The following ITPR1 variants were observed in gnomAD, a reference collection of about 807,000 sequenced individuals.
ITPR1 encodes the protein inositol 1,4,5-trisphosphate-gated calcium channel ITPR1.
A neutral mutation model predicts 318.4 loss-of-function variants in ITPR1; 96 were observed. The observed-to-expected ratio is 0.30, with a 90% confidence interval of 0.26 to 0.36. ITPR1 has a LOEUF of 0.36. ITPR1 is among the 10% of genes least tolerant of loss of function. The probability of loss-of-function intolerance (pLI) is 1.00; values close to 1 mark genes in which losing one functional copy is unlikely to be tolerated. For missense variants in ITPR1, 2,440 were observed against 3,460.2 expected (o/e 0.71, Z 7.40); for synonymous variants, 1,312 against 1,289.9 (o/e 1.02, Z -0.37).
At chr3:4,790,747 A>G (rs890324067) in intron 52 of ITPR1, among the ~76,000 whole-genome samples, 1 of 152,236 alleles carries the variant, frequency 6.6e-6, no homozygotes, top group African/African-American at 2.4e-5. Flanking sequence ...TCAGACACGT[A>G]GTGAGATCCG....
chr3:4,838,616 T>C (rs3805035), intron 61 of ITPR1, among the ~76,000 whole-genome samples: 138,594 of 152,316 alleles, frequency 0.91, 63,199 homozygotes, highest in South Asian at 0.96. Context: ...AAATCTGGTG[T>C]CATTTTCCAA....
intron 26 of ITPR1, among the ~76,000 whole-genome samples, chr3:4,681,658 T>TGTGTGTGTGTGTGTGTGTGTCC (rs1553690431): frequency 3.3e-5 from 5 of 149,848 alleles, no homozygotes; most frequent in African/African-American, 1.2e-4. Flanking sequence ...TGTGTGTGTG[T>TGTGTGTGTGTGTGTGTGTGTCC]CCCACCTAGG....
intron 21 of ITPR1, among the ~76,000 whole-genome samples, chr3:4,673,668 T>C (rs570760585): frequency 3.3e-4 from 51 of 152,302 alleles, no homozygotes; most frequent in African/African-American, 7.0e-4. Context: ...CTACAAGCTC[T>C]GCCTCCCGGG....
chr3:4,806,508 C>G (rs1339711691), intron 55 of ITPR1, among the ~76,000 whole-genome samples: 1 of 152,218 alleles, frequency 6.6e-6, no homozygotes, highest in Non-Finnish European at 1.5e-5. Context: ...CGATCTGTTA[C>G]TTCTCAGTAA....
chr3:4,562,922 A>C (rs949719990), intron 4 of ITPR1, among the ~76,000 whole-genome samples: 17 of 149,714 alleles, frequency 1.1e-4, no homozygotes, highest in African/African-American at 4.2e-4. Flanking sequence ...AAAGAATATA[A>C]AATAAGGAGG....
intron 54 of ITPR1, among the ~76,000 whole-genome samples, chr3:4,802,365 T>G (rs182762041): frequency 6.6e-6 from 1 of 152,352 alleles, no homozygotes; most frequent in Non-Finnish European, 1.5e-5. Context: ...CAAAGAAGTA[T>G]TCTTGAGAAA....
At chr3:4,563,082 G>C (rs548604810) in intron 4 of ITPR1, among the ~76,000 whole-genome samples, 42 of 152,188 alleles carry the variant, frequency 2.8e-4, no homozygotes, top group Non-Finnish European at 4.6e-4. Context: ...CAGTATGCTA[G>C]CATCAGGAAC....
At chr3:4,500,402 A>G (rs9844108) in intron 2 of ITPR1, among the ~76,000 whole-genome samples, 3,376 of 151,952 alleles carry the variant, frequency 0.022, 120 homozygotes, top group African/African-American at 0.077. Context: ...GGATCTCGCC[A>G]TGTTGTCCAG....
intron 60 of ITPR1, among the ~76,000 whole-genome samples, chr3:4,819,489 G>T (rs559031712): frequency 6.6e-6 from 1 of 152,282 alleles, no homozygotes; most frequent in East Asian, 1.9e-4. Flanking sequence ...TGCTGGCCCG[G>T]GAATCACCCT....
chr3:4,786,767 C>G (rs547445378), intron 51 of ITPR1, among the ~76,000 whole-genome samples: 1 of 152,256 alleles, frequency 6.6e-6, no homozygotes, highest in Admixed American at 6.5e-5. Flanking sequence ...CCCCTGGGGC[C>G]CAAACATACC....
chr3:4,603,687 A>G (rs755686545), intron 4 of ITPR1, among the ~76,000 whole-genome samples: 1 of 152,110 alleles, frequency 6.6e-6, no homozygotes, highest in Non-Finnish European at 1.5e-5. Context: ...CTTGGCCTCC[A>G]AAAGTGCTGG....
chr3:4,829,330 A>G lies in ITPR1; in HGVS notation c.8029-7444A>G, dbSNP rs181845725. Among the ~76,000 whole-genome samples the G allele has an allele frequency of 1.3e-3, 205 of 152,348 alleles. 5 individuals carry two copies. In the South Asian group the frequency reaches 0.04, roughly 30 times the overall value. On this transcript the variant is annotated intron_variant, in intron 60 of 61. Coordinates refer to ENST00000649015, the MANE Select transcript of ITPR1 (RefSeq NM_001378452.1). Reference sequence around the variant, plus strand: ...GAAATGTACAGAACCTGTGAAATACAGGGATATTAATATGCATGTGGTCTG... The same window carrying G: ...GAAATGTACAGAACCTGTGAAATACGGGGATATTAATATGCATGTGGTCTG...
At chr3:4,519,866 C>T (rs138271843) in intron 3 of ITPR1, among the ~76,000 whole-genome samples, 2,063 of 152,138 alleles carry the variant, frequency 0.014, 54 homozygotes, top group African/African-American at 0.047. Flanking sequence ...TTTGGAGTCT[C>T]AGTCAGTGAG....
chr3:4,528,395 C>T (rs2083150244), intron 4 of ITPR1, among the ~76,000 whole-genome samples: 1 of 152,180 alleles, frequency 6.6e-6, no homozygotes, highest in South Asian at 2.1e-4. Context: ...GGGACACAGG[C>T]AGGGTCTTGG....
At chr3:4,613,506 T>C (rs1439817903) in intron 4 of ITPR1, among the ~76,000 whole-genome samples, 1 of 152,124 alleles carries the variant, frequency 6.6e-6, no homozygotes, top group African/African-American at 2.4e-5. Context: ...CACTTGTCCT[T>C]GGGCCAGGGA....
intron 46 of ITPR1, among the ~76,000 whole-genome samples, chr3:4,772,075 G>A (rs1201437247): frequency 6.6e-6 from 1 of 152,212 alleles, no homozygotes; most frequent in East Asian, 1.9e-4. Flanking sequence ...TCTCTCAGGT[G>A]GTGACTTGCC....
intron 4 of ITPR1, among the ~76,000 whole-genome samples, chr3:4,572,033 A>C (rs1023639164): frequency 6.6e-6 from 1 of 152,196 alleles, no homozygotes; most frequent in Non-Finnish European, 1.5e-5. Flanking sequence ...CTCATGGATT[A>C]GTTATTCCTG....
At chr3:4,795,924 C>G (rs148151241) in intron 53 of ITPR1, among the ~76,000 whole-genome samples, 1 of 152,338 alleles carries the variant, frequency 6.6e-6, no homozygotes, top group African/African-American at 2.4e-5. Flanking sequence ...ACATCCACAG[C>G]AGCCACCTGG....
At chr3:4,840,429 CA>C (rs1200251869) in intron 61 of ITPR1, among the ~76,000 whole-genome samples, 2 of 152,102 alleles carry the variant, frequency 1.3e-5, no homozygotes, top group Non-Finnish European at 2.9e-5. Flanking sequence ...CTAGAAAACA[CA>C]AAAATTGCTC....
Sources: allele counts gnomAD v4.1 joint callset (sites outside exome capture counted in the v4.1 genomes callset), GRCh38; gene constraint gnomAD v4.1.1; transcripts MANE v1.5; gene names NCBI Gene and HGNC (gene_info 2026-07-23, HGNC 2026-07-21).